FBXO4: variants seen among roughly 807,000 people sequenced by gnomAD.
The protein encoded by FBXO4 is F-box only protein 4.
In FBXO4, 36 loss-of-function variants were observed where a neutral mutation model predicts 43.7. That is an observed-to-expected ratio of 0.82 (90% confidence interval 0.63 to 1.09). The LOEUF is 1.09. FBXO4 is among the 50% of genes least tolerant of loss of function. The probability of loss-of-function intolerance (pLI) is 0.00; values close to 1 mark genes in which losing one functional copy is unlikely to be tolerated. For missense variants in FBXO4, 435 were observed against 474.1 expected (o/e 0.92, Z 0.77); for synonymous variants, 180 against 165.6 (o/e 1.09, Z -0.67).
At chr5:41,987,734 T>C in the FBXO4 span, among the ~76,000 whole-genome samples, 1,296 of 152,294 alleles carry the variant, frequency 8.5e-3, 8 homozygotes, top group Middle Eastern at 0.017. Context: ...AATGGCAAAA[T>C]TCACAATTAC....
the FBXO4 span, among the ~76,000 whole-genome samples, chr5:42,040,120 T>G: frequency 7.9e-5 from 12 of 152,208 alleles, no homozygotes; most frequent in Non-Finnish European, 1.6e-4. Context: ...TGTGATAATT[T>G]GATACCTAGC....
chr5:41,991,615 A>G, the FBXO4 span, among the ~76,000 whole-genome samples: 1 of 151,776 alleles, frequency 6.6e-6, no homozygotes, highest in African/African-American at 2.4e-5. Flanking sequence ...TTTCTGTTGG[A>G]CTCTGGTATA....
chr5:41,969,056 T>A, the FBXO4 span, among the ~76,000 whole-genome samples: 2 of 152,218 alleles, frequency 1.3e-5, no homozygotes. Context: ...CTTTTGCAAA[T>A]GGTTTTGTCC....
the FBXO4 span, among the ~76,000 whole-genome samples, chr5:41,969,716 TGG>T: frequency 6.6e-6 from 1 of 152,186 alleles, no homozygotes; most frequent in African/African-American, 2.4e-5. Context: ...AACATTTTCC[TGG>T]TGAAGCACCT....
the FBXO4 span, among the ~76,000 whole-genome samples, chr5:42,002,210 C>T: frequency 7.2e-5 from 11 of 152,068 alleles, no homozygotes; most frequent in South Asian, 2.1e-4. Context: ...TATGGAATGA[C>T]GATGTCTATG....
In FBXO4 at chr5:41,934,113, C is replaced by T; in HGVS notation, c.723-20C>T. 6.2e-7 allele frequency: 1 copy of T among 1,613,272 alleles called. No homozygotes were observed. Among genetic ancestry groups the T allele is most frequent in the Non-Finnish European group, 8.5e-7 (1 of 1,179,586 alleles). On this transcript the variant is annotated intron_variant, in intron 4 of 6. Transcript: ENST00000281623. ...TGTTTAGTGTCTTTTTATATTCTGT[C>T]TTTACAATTTTTTTTCTAGAAAGGA...
At chr5:42,034,905 T>C in the FBXO4 span, among the ~76,000 whole-genome samples, 1 of 152,154 alleles carries the variant, frequency 6.6e-6, no homozygotes. Context: ...GTGAAGAATG[T>C]CAATCGTAGT....
the FBXO4 span, among the ~76,000 whole-genome samples, chr5:42,030,645 G>C: frequency 6.6e-6 from 1 of 151,626 alleles, no homozygotes; most frequent in African/African-American, 2.4e-5. Flanking sequence ...CACAGCAAAA[G>C]AAACTACCAT....
the FBXO4 span, chr5:41,967,778 G>A: frequency 3.6e-5 from 22 of 613,426 alleles, 1 homozygote; most frequent in South Asian, 2.7e-4. Flanking sequence ...TCATCAATGT[G>A]CTCTGGAAGA....
chr5:42,024,684 T>C, the FBXO4 span, among the ~76,000 whole-genome samples: 1 of 152,034 alleles, frequency 6.6e-6, no homozygotes, highest in East Asian at 1.9e-4. Context: ...CAACAATCTC[T>C]GCCTCTCCAC....
chr5:42,028,341 T>G, the FBXO4 span, among the ~76,000 whole-genome samples: 1 of 151,988 alleles, frequency 6.6e-6, no homozygotes, highest in Non-Finnish European at 1.5e-5. Context: ...GTATAGCAAC[T>G]TCTGCTCTTT....
the FBXO4 span, among the ~76,000 whole-genome samples, chr5:41,971,883 C>T: frequency 2.0e-5 from 3 of 152,140 alleles, no homozygotes; most frequent in East Asian, 1.9e-4. Context: ...AAAACATGCA[C>T]ATCTTCTTTC....
chr5:42,035,059 G>A, the FBXO4 span, among the ~76,000 whole-genome samples: 1 of 151,732 alleles, frequency 6.6e-6, no homozygotes, highest in South Asian at 2.1e-4. Flanking sequence ...TGTATTCCTA[G>A]GTATTTTATT....
At chr5:41,938,373 C>T (rs922860613) in intron 5 of FBXO4, among the ~76,000 whole-genome samples, 1 of 151,838 alleles carries the variant, frequency 6.6e-6, no homozygotes, top group Non-Finnish European at 1.5e-5. Flanking sequence ...GTAACTAAGC[C>T]AGTAGTGGAT....
chr5:42,020,763 C>T, the FBXO4 span, among the ~76,000 whole-genome samples: 1 of 152,152 alleles, frequency 6.6e-6, no homozygotes, highest in Admixed American at 6.6e-5. Context: ...ATGGCCTCCA[C>T]TAGCCATAAG....
the FBXO4 span, among the ~76,000 whole-genome samples, chr5:41,978,525 G>A: frequency 6.6e-6 from 1 of 152,000 alleles, no homozygotes. Flanking sequence ...GGTTTTTTTA[G>A]GGTTCTTTCT....
the FBXO4 span, among the ~76,000 whole-genome samples, chr5:42,001,548 G>C: frequency 2.0e-5 from 3 of 152,118 alleles, no homozygotes; most frequent in African/African-American, 7.2e-5. Context: ...TTTCATTTAT[G>C]TCTGTCTTAT....
chr5:41,969,276 A>C, the FBXO4 span, among the ~76,000 whole-genome samples: 1,793 of 152,286 alleles, frequency 0.012, 37 homozygotes, highest in African/African-American at 0.041. Flanking sequence ...TCATGAAAAT[A>C]TATTGTAGTT....
chr5:42,038,510 T>C, the FBXO4 span, among the ~76,000 whole-genome samples: 1 of 152,138 alleles, frequency 6.6e-6, no homozygotes, highest in African/African-American at 2.4e-5. Context: ...TATATGTTTA[T>C]GGTGTACATG....
Sources: gnomAD v4.1 joint callset for allele counts (sites outside exome capture counted in the v4.1 genomes callset) on GRCh38, gnomAD v4.1.1 for gene constraint, MANE v1.5 for transcripts, NCBI Gene and HGNC (gene_info 2026-07-23, HGNC 2026-07-21) for gene names.